Variants in TTC28 observed in about 807,000 individuals in gnomAD.
TTC28 encodes tetratricopeptide repeat protein 28.
A neutral mutation model predicts 198.0 loss-of-function variants in TTC28; 61 were observed. The observed-to-expected ratio is 0.31, with a 90% CI of 0.25 to 0.38. The LOEUF is 0.38. Among genes scored for constraint, TTC28 ranks in the 10% least tolerant of loss-of-function variants. The probability of loss-of-function intolerance (pLI) is 1.00; values close to 1 mark genes in which losing one functional copy is unlikely to be tolerated. For missense variants in TTC28, 2,678 were observed against 3,164.0 expected (o/e 0.85, Z 3.69); for synonymous variants, 1,171 against 1,297.8 (o/e 0.90, Z 2.10).
intron 2 of TTC28, among the ~76,000 whole-genome samples, chr22:28,323,715 T>C (rs1356335730): frequency 1.3e-5 from 2 of 151,876 alleles, no homozygotes; most frequent in African/African-American, 4.8e-5. Flanking sequence ...AAAGAGAAAA[T>C]AACAGAATTT....
At chr22:28,503,307 C>T (rs1568984054) in intron 2 of TTC28, among the ~76,000 whole-genome samples, 1 of 152,188 alleles carries the variant, frequency 6.6e-6, no homozygotes, top group Non-Finnish European at 1.5e-5. Context: ...TCCTTTGGAC[C>T]ACTTACCATA....
chr22:28,247,719 C>T (rs1053911063), intron 5 of TTC28, among the ~76,000 whole-genome samples: 15 of 152,182 alleles, frequency 9.9e-5, no homozygotes, highest in Admixed American at 3.3e-4. Context: ...ACAAAGAAGG[C>T]AGAGAAAGGC....
At position 27,981,441 on chromosome 22, in the gene TTC28, G is replaced by C. The variant is rs2146489172; in HGVS notation, c.*780C>G. On this transcript the variant is annotated 3_prime_UTR_variant, in exon 23 of 23. Transcript: ENST00000397906. ...AAGTTGTTTATCCATATACAAAAAAGGTCAATAATGTTTTAAAAGCACAAA... is the reference window on the plus strand; with the variant it reads ...AAGTTGTTTATCCATATACAAAAAACGTCAATAATGTTTTAAAAGCACAAA... 6.6e-6 allele frequency: 1 copy of C among 151,708 alleles called. No individual in the cohort carries two copies. Among genetic ancestry groups the C allele is most frequent in the African/African-American group, 2.4e-5 (1 of 41,384 alleles). The allele number at this position is 151,708 out of a possible 1,614,324, so 9.4% of individuals were successfully genotyped here.
At chr22:28,619,556 G>A (rs909566319) in intron 2 of TTC28, among the ~76,000 whole-genome samples, 4 of 152,118 alleles carry the variant, frequency 2.6e-5, no homozygotes, top group African/African-American at 9.7e-5. Context: ...GAAGAAAAAA[G>A]GAAAAGGAGA....
At chr22:28,448,066 T>G (rs1238028349) in intron 2 of TTC28, among the ~76,000 whole-genome samples, 1 of 152,224 alleles carries the variant, frequency 6.6e-6, no homozygotes, top group East Asian at 1.9e-4. Flanking sequence ...ATGATTTATA[T>G]AGAGCTACTA....
At position 28,321,121 on chromosome 22, in the gene TTC28, CCAAA is replaced by C. The variant is rs538280460; in HGVS notation, c.382-14482_382-14479del. Among the ~76,000 whole-genome samples the C allele has an allele frequency of 1.5e-3, 230 of 152,232 alleles. 2 individuals are homozygous for C. In the South Asian group the frequency reaches 0.024, roughly 16 times the overall value. On this transcript the variant is annotated intron_variant, in intron 2 of 22. Coordinates refer to ENST00000397906, the MANE Select transcript of TTC28 (RefSeq NM_001145418.2). ...CTGGTAAAAAATCCATTTTTAGGCA[CCAAA>C]CAAACAGGCATTGGCTGAGAAGCTT...
chr22:28,151,295 A>G (rs1232780722), intron 6 of TTC28, among the ~76,000 whole-genome samples: 4 of 152,236 alleles, frequency 2.6e-5, no homozygotes, highest in African/African-American at 9.6e-5. Flanking sequence ...ACCAAGTGCC[A>G]ACTGCCAAGC....
intron 21 of TTC28, among the ~76,000 whole-genome samples, chr22:27,988,223 G>A (rs906566898): frequency 9.2e-5 from 14 of 151,796 alleles, no homozygotes; most frequent in South Asian, 8.3e-4. Flanking sequence ...TGAGGTGGTC[G>A]GGGAAGGTCA....
chr22:28,235,629 C>T (rs945722975), intron 5 of TTC28, among the ~76,000 whole-genome samples: 8 of 152,184 alleles, frequency 5.3e-5, no homozygotes, highest in African/African-American at 1.4e-4. Context: ...AAGTCCAGAA[C>T]ACACACAACT....
At chr22:28,678,988 G>C (rs62235680) in intron 1 of TTC28, among the ~76,000 whole-genome samples, 2,410 of 152,282 alleles carry the variant, frequency 0.016, 18 homozygotes, top group Non-Finnish European at 0.023. Flanking sequence ...GGCAAGGGTG[G>C]GGGTAAGCTC....
intron 3 of TTC28, among the ~76,000 whole-genome samples, chr22:28,306,276 T>A (rs1309504352): frequency 6.6e-6 from 1 of 152,182 alleles, no homozygotes; most frequent in African/African-American, 2.4e-5. Context: ...GAATGTAATA[T>A]AGGTCCACAA....
intron 2 of TTC28, among the ~76,000 whole-genome samples, chr22:28,538,086 T>A (rs943929935): frequency 2.0e-4 from 31 of 152,320 alleles, no homozygotes; most frequent in African/African-American, 7.5e-4. Context: ...TAGGTATATC[T>A]CTTTTAGATT....
chr22:28,270,281 A>G (rs1479821961), intron 5 of TTC28, among the ~76,000 whole-genome samples: 1 of 152,228 alleles, frequency 6.6e-6, no homozygotes, highest in East Asian at 1.9e-4. Flanking sequence ...CTAAAACTGT[A>G]TTTTTTAAAA....
chr22:28,263,423 G>A (rs575192118), intron 5 of TTC28, among the ~76,000 whole-genome samples: 12 of 152,186 alleles, frequency 7.9e-5, no homozygotes, highest in African/African-American at 2.2e-4. Context: ...TCTCATGCCA[G>A]TGACACAAAA....
intron 2 of TTC28, among the ~76,000 whole-genome samples, chr22:28,332,992 C>A (rs1410848719): frequency 6.6e-6 from 1 of 152,002 alleles, no homozygotes; most frequent in East Asian, 1.9e-4. Flanking sequence ...CAGAGAACAG[C>A]AATGTAAATG....
At position 28,014,301 on chromosome 22, in the gene TTC28, C is replaced by A; in HGVS notation, c.4165G>T (p.Ala1389Ser). 1.3e-6 allele frequency: 2 copies of A among 1,551,678 alleles called. No homozygotes were observed. Among genetic ancestry groups the A allele is most frequent in the Non-Finnish European group, 1.7e-6 (2 of 1,146,978 alleles). The change falls in exon 14 of 23, where the codon GCC becomes TCC. Residue 1389 changes from alanine to serine, a missense_variant. Transcript: ENST00000397906. ...SSLPRRQSSF[A>S]KPPLRALYDL... ...TACAGGGCACGGAGCGGGGGCTTGGCAAACGAGCTCTGCCTCCTGGGAAGA... is the reference window on the plus strand; with the variant it reads ...TACAGGGCACGGAGCGGGGGCTTGGAAAACGAGCTCTGCCTCCTGGGAAGA...
chr22:28,192,049 A>C (rs951123812), intron 5 of TTC28, among the ~76,000 whole-genome samples: 1 of 152,224 alleles, frequency 6.6e-6, no homozygotes, highest in African/African-American at 2.4e-5. Context: ...CAGTAGGGGC[A>C]GACTGACACC....
chr22:28,340,463 T>TAAAAAA (rs554273080), intron 2 of TTC28, among the ~76,000 whole-genome samples: 1 of 137,432 alleles, frequency 7.3e-6, no homozygotes, highest in Non-Finnish European at 1.6e-5. Context: ...TTTTTTTCCT[T>TAAAAAA]AAAAAAAAAA....
At chr22:28,422,240 G>T (rs995409795) in intron 2 of TTC28, among the ~76,000 whole-genome samples, 9 of 152,092 alleles carry the variant, frequency 5.9e-5, no homozygotes, top group Admixed American at 5.9e-4. Context: ...ATACTTGAAT[G>T]GTTTCCCTGC....
Sources: allele counts gnomAD v4.1 joint callset (sites outside exome capture counted in the v4.1 genomes callset), GRCh38; gene constraint gnomAD v4.1.1; transcripts MANE v1.5; gene names NCBI Gene and HGNC (gene_info 2026-07-23, HGNC 2026-07-21).